PDXDC1: variants seen among roughly 807,000 people sequenced by gnomAD.
PDXDC1 encodes pyridoxal-dependent decarboxylase domain-containing protein 1.
Under a neutral mutation model 100.1 loss-of-function variants are expected in PDXDC1, and 42 were observed. The ratio of observed to expected loss-of-function variants is 0.42; its 90% CI spans 0.33 to 0.54. The LOEUF is 0.54. Ranked by LOEUF, PDXDC1 falls within the 20% of genes least tolerant of loss-of-function variation. PDXDC1 has a pLI of 0.10. For synonymous variants in PDXDC1, 260 were observed against 371.7 expected (o/e 0.70, Z 3.46); for missense variants, 636 against 979.2 (o/e 0.65, Z 4.68).
chr16:15,122,817 TGGGGAGGGGGA>T (rs1438504605), intron 16 of PDXDC1, among the ~76,000 whole-genome samples: 1 of 22,398 alleles, frequency 4.5e-5, no homozygotes, highest in African/African-American at 1.5e-4. Context: ...GGATCTGAGT[TGGGGAGGGGGA>T]GGGGAAGGGG....
intron 16 of PDXDC1, among the ~76,000 whole-genome samples, chr16:15,093,631 A>C (rs2046230007): frequency 6.6e-6 from 1 of 152,188 alleles, no homozygotes; most frequent in Admixed American, 6.5e-5. Flanking sequence ...TAATGAAAAA[A>C]CATAGCATCC....
intron 16 of PDXDC1, among the ~76,000 whole-genome samples, chr16:15,053,682 G>C (rs1416239864): frequency 1.3e-5 from 2 of 152,102 alleles, no homozygotes; most frequent in Non-Finnish European, 1.5e-5. Context: ...AGGCCGAGAC[G>C]GGCAGATCAC....
intron 1 of PDXDC1, among the ~76,000 whole-genome samples, chr16:14,977,269 C>CTTT (rs5816116): frequency 8.2e-4 from 78 of 95,056 alleles, no homozygotes; most frequent in East Asian, 3.7e-3. Flanking sequence ...ATGGGACTTA[C>CTTT]TTTTTTTTTT....
At chr16:15,071,506 G>T (rs753790644) in intron 16 of PDXDC1, among the ~76,000 whole-genome samples, 3 of 152,194 alleles carry the variant, frequency 2.0e-5, no homozygotes, top group Middle Eastern at 3.2e-3. Flanking sequence ...AGTGGCTCAC[G>T]CCTGTAATCC....
intron 16 of PDXDC1, among the ~76,000 whole-genome samples, chr16:15,110,075 AC>A (rs1478573385): frequency 1.3e-5 from 2 of 148,578 alleles, no homozygotes; most frequent in African/African-American, 4.9e-5. Flanking sequence ...AATTGCTTGA[AC>A]CCAAAAGACA....
At chr16:15,077,180 T>G (rs533365462) in intron 16 of PDXDC1, among the ~76,000 whole-genome samples, 4 of 151,788 alleles carry the variant, frequency 2.6e-5, no homozygotes, top group Non-Finnish European at 5.9e-5. Flanking sequence ...GGTTACTCCA[T>G]GTTAGTCAGG....
At chr16:14,993,215 A>C (rs1020112961) in intron 1 of PDXDC1, among the ~76,000 whole-genome samples, 1 of 152,232 alleles carries the variant, frequency 6.6e-6, no homozygotes, top group East Asian at 1.9e-4. Flanking sequence ...ATATGTATAC[A>C]TGTGCCATGT....
At chr16:15,002,661 T>A (rs1243499670) in intron 4 of PDXDC1, among the ~76,000 whole-genome samples, 1 of 152,274 alleles carries the variant, frequency 6.6e-6, no homozygotes, top group African/African-American at 2.4e-5. Flanking sequence ...GAGGACAAAG[T>A]CCTGAAAGTG....
rs552870683 is a variant in PDXDC1, at chr16:15,109,719, GCA to G, written c.1400-29154_1400-29153del. ...AAAAAAAAATTGGCCGAATGTGGCG[GCA>G]CACACCTGTAATCCAAGCTACTCGG... is the stretch of plus-strand genomic sequence containing the variant. On this transcript the variant is annotated intron_variant, in intron 16 of 16. Transcript: ENST00000535621. Among the ~76,000 whole-genome samples the G allele has an allele frequency of 2.6e-4, 33 of 126,208 alleles. No homozygotes were observed. The South Asian group carries it at 8.9e-3, about 34-fold the overall frequency. The allele number at this position is 126,208 out of a possible 152,430, so 82.8% of individuals were successfully genotyped here.
chr16:15,102,866 A>T (rs370485029), intron 16 of PDXDC1, among the ~76,000 whole-genome samples: 13 of 117,494 alleles, frequency 1.1e-4, no homozygotes, highest in East Asian at 4.7e-4. Flanking sequence ...TTGAGCCCGG[A>T]AGTTCAAGGC....
At chr16:15,025,182 G>A (rs1466003047) in intron 13 of PDXDC1, 2 of 152,330 alleles carry the variant, frequency 1.3e-5, no homozygotes, top group Non-Finnish European at 2.9e-5. Context: ...AGTCTATCAC[G>A]TTACTAGAAC....
chr16:15,086,777 A>G (rs1397787509), intron 16 of PDXDC1, among the ~76,000 whole-genome samples: 2 of 152,244 alleles, frequency 1.3e-5, no homozygotes, highest in Non-Finnish European at 2.9e-5. Flanking sequence ...GCAGCATTCT[A>G]GCAGACTGAA....
Position 15,091,048 on chromosome 16 carries a change from C to T in PDXDC1, c.1400-47831C>T, listed in dbSNP as rs573216096. Reference sequence around the variant, plus strand: ...CTTGGTTCTGGGAGGCTGTCCTGTGCACTGTGAGATGTTTAGCAGCATCTC... The same window carrying T: ...CTTGGTTCTGGGAGGCTGTCCTGTGTACTGTGAGATGTTTAGCAGCATCTC... On this transcript the variant is annotated intron_variant, in intron 16 of 16. Coordinates refer to the PDXDC1 transcript ENST00000535621. Among the ~76,000 whole-genome samples the T allele has an allele frequency of 2.6e-5, 4 of 152,282 alleles. No homozygotes were observed. In the South Asian group the frequency reaches 6.2e-4, roughly 24 times the overall value.
In PDXDC1 at chr16:15,038,090, G is replaced by C. The variant is rs537092982; in HGVS notation, c.*1815G>C. ...CCATCTTCATTTTTTTTGTAGAGTA[G>C]GGCTTTATTTCCAGAAAACAGTGTG... On this transcript the variant is annotated 3_prime_UTR_variant, in exon 23 of 23. Coordinates refer to ENST00000396410, the MANE Select transcript of PDXDC1 (RefSeq NM_015027.4). 1.2e-6 allele frequency: 2 copies of C among 1,612,794 alleles called. No homozygotes were observed. The highest frequency in any genetic ancestry group is 3.3e-5 in the Admixed American group (2 of 59,934).
intron 16 of PDXDC1, among the ~76,000 whole-genome samples, chr16:15,093,494 G>A (rs1403940240): frequency 6.6e-6 from 1 of 152,140 alleles, no homozygotes; most frequent in African/African-American, 2.4e-5. Flanking sequence ...AGAAAGCAGG[G>A]ACATTAGTGT....
At chr16:14,990,022 GGCCGCCC>G (rs1343712143) in intron 1 of PDXDC1, 38 of 1,475,502 alleles carry the variant, frequency 2.6e-5, no homozygotes, top group South Asian at 5.0e-5. Context: ...AGCAGGTGCA[GGCCGCCC>G]GCCGCCCGCT....
chr16:15,093,987 G>A, intron 16 of PDXDC1: 1 of 691,798 alleles, frequency 1.4e-6, no homozygotes, highest in African/African-American at 1.8e-5. Flanking sequence ...TACCCAGTTA[G>A]GAGGAATGAG....
intron 16 of PDXDC1, chr16:15,085,559 C>T: frequency 6.4e-7 from 1 of 1,570,958 alleles, no homozygotes; most frequent in Admixed American, 1.9e-5. Flanking sequence ...CTCAAGTGAT[C>T]CTCCCGTCTT....
chr16:15,059,296 C>A (rs192288865), intron 16 of PDXDC1, among the ~76,000 whole-genome samples: 3 of 152,122 alleles, frequency 2.0e-5, no homozygotes, highest in Non-Finnish European at 4.4e-5. Flanking sequence ...AAGGGAAACA[C>A]GCTGGTTCCT....
Sources: gnomAD v4.1 joint callset for allele counts (sites outside exome capture counted in the v4.1 genomes callset) on GRCh38, gnomAD v4.1.1 for gene constraint, MANE v1.5 for transcripts, NCBI Gene and HGNC (gene_info 2026-07-23, HGNC 2026-07-21) for gene names.